RTTN: variants seen among roughly 807,000 people sequenced by gnomAD.
The protein encoded by RTTN is rotatin.
In RTTN, 182 loss-of-function variants were observed where a neutral mutation model predicts 269.2. The ratio of observed to expected loss-of-function variants is 0.68; its 90% confidence interval spans 0.60 to 0.76. RTTN has a LOEUF of 0.76. Ranked by LOEUF, RTTN falls within the 30% of genes least tolerant of loss-of-function variation. RTTN has a pLI of 0.00. For synonymous variants in RTTN, 1,006 were observed against 963.5 expected (o/e 1.04, Z -0.82); for missense variants, 2,545 against 2,608.6 (o/e 0.98, Z 0.53).
intron 28 of RTTN, among the ~76,000 whole-genome samples, chr18:70,099,148 A>G (rs200979391): frequency 1.3e-5 from 2 of 152,344 alleles, no homozygotes; most frequent in East Asian, 3.9e-4. Flanking sequence ...TTCTAGTTCT[A>G]GATCCTTAAG....
intron 5 of RTTN, among the ~76,000 whole-genome samples, chr18:70,198,069 G>A (rs1227349951): frequency 6.6e-6 from 1 of 152,192 alleles, no homozygotes; most frequent in African/African-American, 2.4e-5. Context: ...AGGTCAAAGA[G>A]CACACAATTC....
intron 11 of RTTN, among the ~76,000 whole-genome samples, chr18:70,172,560 C>T (rs993382685): frequency 2.6e-5 from 4 of 151,988 alleles, no homozygotes; most frequent in South Asian, 2.1e-4. Flanking sequence ...AAAACAAATA[C>T]CTTAATTACA....
At position 70,092,723 on chromosome 18, in the gene RTTN, A is replaced by C; in HGVS notation, c.3985T>G (p.Cys1329Gly). 6.2e-7 allele frequency: 1 copy of C among 1,613,812 alleles called. No homozygotes were observed. Among genetic ancestry groups the C allele is most frequent in the Non-Finnish European group, 8.5e-7 (1 of 1,179,750 alleles). The change falls in exon 29 of 49, where the codon TGC becomes GGC. Residue 1329 changes from cysteine to glycine, a missense_variant. Transcript: ENST00000640769. ...GKGVTKSTIL[C>G]LLHLSHEMMA... is the part of the protein sequence containing the mutation. ...ATCTCATGGGATAAGTGAAGCAAGC[A>C]AAGAATTGTGCTCTTTGTAACACCT...
At chr18:70,087,958 T>G in intron 31 of RTTN, 31 bp downstream of exon 31, 1 of 1,605,540 alleles carries the variant, frequency 6.2e-7, no homozygotes, top group Non-Finnish European at 8.5e-7. Context: ...AAAGAATTTC[T>G]AAGGAAAAAA....
At chr18:70,155,613 G>C (rs2060652457) in intron 14 of RTTN, among the ~76,000 whole-genome samples, 1 of 152,156 alleles carries the variant, frequency 6.6e-6, no homozygotes, top group Admixed American at 6.5e-5. Context: ...TGAGTTGCAA[G>C]GGAGAACTGC....
intron 10 of RTTN, among the ~76,000 whole-genome samples, chr18:70,177,065 T>C (rs985686716): frequency 6.6e-6 from 1 of 152,184 alleles, no homozygotes; most frequent in African/African-American, 2.4e-5. Context: ...TACAATAATC[T>C]TTTAAGTATT....
At chr18:70,113,285 T>A (rs545316354) in intron 27 of RTTN, among the ~76,000 whole-genome samples, 1 of 152,088 alleles carries the variant, frequency 6.6e-6, no homozygotes, top group Non-Finnish European at 1.5e-5. Flanking sequence ...CAAATAGCCA[T>A]AAGAACATGA....
chr18:70,142,935 G>A (rs1241717670), intron 18 of RTTN, among the ~76,000 whole-genome samples: 2 of 152,190 alleles, frequency 1.3e-5, no homozygotes, highest in African/African-American at 4.8e-5. Context: ...TGAGACAGGA[G>A]AATCGCTTGA....
chr18:70,179,820 T>C (rs2061381011), intron 10 of RTTN, among the ~76,000 whole-genome samples: 1 of 152,178 alleles, frequency 6.6e-6, no homozygotes, highest in East Asian at 1.9e-4. Flanking sequence ...ATGCTTCCAA[T>C]GGACCTTCCA....
At chr18:70,070,341 T>C (rs1280037225) in intron 34 of RTTN, among the ~76,000 whole-genome samples, 4 of 152,226 alleles carry the variant, frequency 2.6e-5, no homozygotes, top group Non-Finnish European at 5.9e-5. Flanking sequence ...AGTATAACAT[T>C]TTCTTTCTCT....
intron 47 of RTTN, 35 bp downstream of exon 47, chr18:70,006,346 G>A: frequency 6.9e-7 from 1 of 1,458,014 alleles, no homozygotes; most frequent in South Asian, 1.1e-5. Context: ...CTTGTTGTTT[G>A]CTCCCCAGGT....
chr18:70,071,703 G>A (rs148795219), intron 34 of RTTN, among the ~76,000 whole-genome samples: 6 of 152,210 alleles, frequency 3.9e-5, no homozygotes, highest in Admixed American at 1.3e-4. Context: ...CAATCCTTAC[G>A]AAGCTTGCCA....
rs386388096 is a variant in RTTN at position 70,196,616 on chromosome 18, T to TCCC, written c.725_726insGGG (p.Gly242dup). 10 of 1,610,568 alleles carry TCCC rather than the reference T, an allele frequency of 6.2e-6. No homozygotes were observed. In the Admixed American group the frequency reaches 1.7e-4, roughly 27 times the overall value. ...GTAATGCCAGGCGATGCTTTCCATC[T>TCCC]CCAAAGGCCAGTTTCAACAGAGATA... On this transcript the variant is annotated inframe_insertion, in exon 7 of 49. Transcript: ENST00000640769.
chr18:70,193,176 CAA>C (rs35759421), intron 8 of RTTN, 110 bp downstream of exon 8: 34,881 of 637,110 alleles, frequency 0.055, no homozygotes, highest in South Asian at 0.075. Context: ...GTTAATGTTT[CAA>C]AAAAAAAAAA....
intron 5 of RTTN, among the ~76,000 whole-genome samples, 185 bp downstream of exon 5, chr18:70,199,229 T>C (rs2061890244): frequency 6.6e-6 from 1 of 151,856 alleles, no homozygotes; most frequent in Admixed American, 6.6e-5. Context: ...GATGTGTAGA[T>C]TGATTAAAAG....
intron 19 of RTTN, 131 bp downstream of exon 19, chr18:70,142,157 G>C (rs1281990638): frequency 5.0e-6 from 3 of 600,416 alleles, no homozygotes; most frequent in Non-Finnish European, 8.8e-6. Flanking sequence ...CATTCTTGAG[G>C]GCTGTCAAAA....
intron 11 of RTTN, among the ~76,000 whole-genome samples, chr18:70,174,460 G>A (rs1384895790): frequency 6.6e-6 from 1 of 151,936 alleles, no homozygotes; most frequent in Non-Finnish European, 1.5e-5. Flanking sequence ...ACATGTTTAA[G>A]CATTCAGCCT....
chr18:70,016,157 A>C (rs1411541470), intron 46 of RTTN, among the ~76,000 whole-genome samples: 1 of 152,232 alleles, frequency 6.6e-6, no homozygotes. Context: ...TATCATATCT[A>C]GCAGTTGATT....
rs373672491 is a variant in RTTN, at chr18:70,127,491, C to T, written c.3383+11G>A. ...GGTCTTTGAAACTGGCAGCCTTGACCTTACACTGACCTGTTTAGTGCGGTG... is the reference window on the plus strand; with the variant it reads ...GGTCTTTGAAACTGGCAGCCTTGACTTTACACTGACCTGTTTAGTGCGGTG... On this transcript the variant is annotated intron_variant, in intron 25 of 48. Transcript: ENST00000640769. 1.8e-5 allele frequency: 29 copies of T among 1,612,524 alleles called. No individual in the cohort carries two copies. Among genetic ancestry groups the T allele is most frequent in the Non-Finnish European group, 2.2e-5 (26 of 1,179,158 alleles).
Sources: allele counts gnomAD v4.1 joint callset (sites outside exome capture counted in the v4.1 genomes callset), GRCh38; gene constraint gnomAD v4.1.1; transcripts MANE v1.5; gene names NCBI Gene and HGNC (gene_info 2026-07-23, HGNC 2026-07-21).